DGKI: variants seen among roughly 807,000 people sequenced by gnomAD.
DGKI encodes DAG kinase iota.
A neutral mutation model predicts 147.5 loss-of-function variants in DGKI; 55 were observed. The observed-to-expected ratio is 0.37, with a 90% CI of 0.30 to 0.47. DGKI has a LOEUF of 0.47. Among genes scored for constraint, DGKI ranks in the 20% least tolerant of loss-of-function variants. The probability of loss-of-function intolerance (pLI) is 1.00; values close to 1 mark genes in which losing one functional copy is unlikely to be tolerated. For missense variants in DGKI, 1,007 were observed against 1,323.8 expected (o/e 0.76, Z 3.71); for synonymous variants, 469 against 477.1 (o/e 0.98, Z 0.22).
chr7:137,846,752 G>T lies in DGKI; in HGVS notation c.111C>A (p.Cys37Ter). 2 of 1,019,620 alleles carry T rather than the reference G, an allele frequency of 2.0e-6. No homozygotes were observed. The highest frequency in any genetic ancestry group is 2.3e-6 in the Non-Finnish European group (2 of 854,804). 63.2% of individuals were successfully genotyped at this position (1,019,620 alleles called of 1,614,324 possible). A position where few individuals can be genotyped will look rare whatever the true frequency, so the allele number is the denominator to read the frequency against. The change falls in exon 1 of 33, where the codon TGC (cysteine) becomes TGA (stop). Residue 37 changes from cysteine to a stop codon, truncating the protein, a stop_gained. Coordinates refer to ENST00000614521, the MANE Select transcript of DGKI (RefSeq NM_001321708.2). LOFTEE classifies it high-confidence loss of function. The surrounding 1 kb of genome is among the most constrained non-coding windows in gnomAD (Gnocchi z 4.0). ...AAAAASPPGP[C>*]SGAACAPSAA... Reference sequence around the variant, plus strand: ...CGGAGGGAGCGCAGGCGGCGCCGCTGCAGGGGCCGGGCGGGCTGGCGGCGG... The same window carrying T: ...CGGAGGGAGCGCAGGCGGCGCCGCTTCAGGGGCCGGGCGGGCTGGCGGCGG...
intron 3 of DGKI, among the ~76,000 whole-genome samples, chr7:137,661,540 G>A (rs1822432794): frequency 6.6e-6 from 1 of 152,066 alleles, no homozygotes; most frequent in Non-Finnish European, 1.5e-5. Context: ...GAGGTTGCTG[G>A]GCCAGGCCTA....
At chr7:137,420,664 G>A (rs1189444557) in intron 28 of DGKI, among the ~76,000 whole-genome samples, 4 of 152,084 alleles carry the variant, frequency 2.6e-5, no homozygotes, top group African/African-American at 9.7e-5. Flanking sequence ...CAGGCAATGG[G>A]TGCTTGTTAG....
At chr7:137,777,249 A>G (rs1354199978) in intron 1 of DGKI, among the ~76,000 whole-genome samples, 1 of 152,170 alleles carries the variant, frequency 6.6e-6, no homozygotes, top group African/African-American at 2.4e-5. Flanking sequence ...TGGTAGTAAT[A>G]TGGAATTCTA....
At chr7:137,645,340 T>A (rs1465638494) in intron 6 of DGKI, 132 bp downstream of exon 6, 10 of 648,438 alleles carry the variant, frequency 1.5e-5, no homozygotes, top group Non-Finnish European at 2.3e-5. Flanking sequence ...TAAGGAGACC[T>A]GGACAAGTAA....
chr7:137,410,278 A>G (rs1812114171), intron 29 of DGKI, among the ~76,000 whole-genome samples: 1 of 152,080 alleles, frequency 6.6e-6, no homozygotes, highest in Admixed American at 6.5e-5. Flanking sequence ...GGTGGCAGGC[A>G]CCTGTAGTCC....
At chr7:137,508,250 C>T (rs543035803) in intron 21 of DGKI, among the ~76,000 whole-genome samples, 17 of 100,552 alleles carry the variant, frequency 1.7e-4, no homozygotes, top group Middle Eastern at 0.011. Context: ...TTTTTTGAGA[C>T]GGAGTCTCAC....
chr7:137,609,763 C>T (rs1344952373), intron 8 of DGKI, among the ~76,000 whole-genome samples, 154 bp from the exon 9 acceptor site: 1 of 152,096 alleles, frequency 6.6e-6, no homozygotes, highest in Non-Finnish European at 1.5e-5. Context: ...GGATAAGCCA[C>T]AGACAGAAAT....
At chr7:137,656,408 C>T (rs377650136) in intron 4 of DGKI, 58 bp downstream of exon 4, 1 of 1,566,700 alleles carries the variant, frequency 6.4e-7, no homozygotes, top group Admixed American at 1.7e-5. Flanking sequence ...TTACACCGGG[C>T]CTCTGAAGAC....
At chr7:137,798,951 T>A (rs745612750) in intron 1 of DGKI, among the ~76,000 whole-genome samples, 8 of 152,038 alleles carry the variant, frequency 5.3e-5, no homozygotes, top group Admixed American at 1.3e-4. Context: ...AAACCCAACA[T>A]CTGTCCATGA....
rs1225430643 is a variant in DGKI, at chr7:137,577,290, C to T, written c.1699-6G>A. On this transcript the variant is annotated splice_polypyrimidine_tract_variant and splice_region_variant and intron_variant, in intron 16 of 32. Transcript: ENST00000614521. ...AGGAAGTCAGAAAAAGCTGCCTATACCACAGGGAAATAAAGAAGAAGAAAT... is the reference window on the plus strand; with the variant it reads ...AGGAAGTCAGAAAAAGCTGCCTATATCACAGGGAAATAAAGAAGAAGAAAT... 1 of 1,586,482 alleles carries T rather than the reference C, an allele frequency of 6.3e-7. No individual in the cohort carries two copies. Among genetic ancestry groups the T allele is most frequent in the Admixed American group, 1.7e-5 (1 of 58,114 alleles).
At chr7:137,684,072 A>G (rs1823332980) in intron 2 of DGKI, among the ~76,000 whole-genome samples, 1 of 152,248 alleles carries the variant, frequency 6.6e-6, no homozygotes, top group Non-Finnish European at 1.5e-5. Context: ...AGAATTATAA[A>G]TATGTATCCT....
chr7:137,581,072 A>T (rs1377281789), intron 15 of DGKI, among the ~76,000 whole-genome samples: 1 of 152,152 alleles, frequency 6.6e-6, no homozygotes. Flanking sequence ...AGAGAGAGAG[A>T]GAGATCAATC....
At chr7:137,408,471 C>A (rs1413461278) in intron 29 of DGKI, among the ~76,000 whole-genome samples, 1 of 152,166 alleles carries the variant, frequency 6.6e-6, no homozygotes, top group African/African-American at 2.4e-5. Flanking sequence ...TACCAAATAT[C>A]AAAGCTGCTT....
chr7:137,576,972 C>T (rs1819003644), intron 17 of DGKI, among the ~76,000 whole-genome samples: 1 of 152,130 alleles, frequency 6.6e-6, no homozygotes, highest in Non-Finnish European at 1.5e-5. Flanking sequence ...TCTGAAGTGA[C>T]TTATGTGACC....
At chr7:137,672,046 T>C (rs1822858427) in intron 3 of DGKI, among the ~76,000 whole-genome samples, 1 of 152,158 alleles carries the variant, frequency 6.6e-6, no homozygotes, top group Admixed American at 6.5e-5. Flanking sequence ...ACACGCTCAC[T>C]CACCTCACCA....
chr7:137,464,774 T>C (rs1814590475), intron 26 of DGKI, among the ~76,000 whole-genome samples: 1 of 152,220 alleles, frequency 6.6e-6, no homozygotes, highest in South Asian at 2.1e-4. Context: ...GGAATGAAGA[T>C]GACATTGCAG....
chr7:137,552,842 G>A (rs1244617806), intron 19 of DGKI, among the ~76,000 whole-genome samples: 2 of 152,082 alleles, frequency 1.3e-5, no homozygotes, highest in Non-Finnish European at 2.9e-5. Context: ...TTGAACCTGG[G>A]AGGCAGAGGT....
intron 1 of DGKI, among the ~76,000 whole-genome samples, chr7:137,780,451 A>G (rs1796485873): frequency 6.6e-6 from 1 of 152,200 alleles, no homozygotes; most frequent in African/African-American, 2.4e-5. Context: ...TATCATTGTA[A>G]GCAATTCCTG....
chr7:137,448,050 G>A (rs1408927369), intron 27 of DGKI, among the ~76,000 whole-genome samples: 1 of 152,128 alleles, frequency 6.6e-6, no homozygotes, highest in Non-Finnish European at 1.5e-5. Flanking sequence ...AGTAAAAATA[G>A]AGCTAAGTTT....
Sources: allele counts gnomAD v4.1 joint callset (sites outside exome capture counted in the v4.1 genomes callset), GRCh38; gene constraint gnomAD v4.1.1; non-coding constraint Gnocchi (gnomAD v3.1); transcripts MANE v1.5; gene names NCBI Gene and HGNC (gene_info 2026-07-23, HGNC 2026-07-21).